The following OSBPL7 variants were observed in gnomAD, a reference collection of about 807,000 sequenced individuals.
OSBPL7 encodes oxysterol binding protein like 7.
OSBPL7 carries 66 observed loss-of-function variants against 115.8 expected under a neutral mutation model. The ratio of observed to expected loss-of-function variants is 0.57; its 90% CI spans 0.47 to 0.70. OSBPL7 has a LOEUF of 0.70. Ranked by LOEUF, OSBPL7 falls within the 30% of genes least tolerant of loss-of-function variation. The probability of loss-of-function intolerance (pLI) is 0.00; values close to 1 mark genes in which losing one functional copy is unlikely to be tolerated. For synonymous variants in OSBPL7, 441 were observed against 439.2 expected (o/e 1.00, Z -0.05); for missense variants, 902 against 1,125.5 (o/e 0.80, Z 2.84).
At chr17:47,815,384 CG>C in intron 12 of OSBPL7, 32 bp from the exon 13 acceptor site, 1 of 1,611,450 alleles carries the variant, frequency 6.2e-7, no homozygotes. Context: ...TGTCAGGCTC[CG>C]GGGCCAAGCC....
intron 3 of OSBPL7, 48 bp downstream of exon 3, chr17:47,819,923 C>CA: frequency 1.6e-6 from 2 of 1,229,562 alleles, no homozygotes; most frequent in Non-Finnish European, 2.3e-6. Context: ...CCCCCCATTC[C>CA]CACCCCGCCC....
In OSBPL7 at chr17:47,818,763, C is replaced by T. The variant is rs991551838; in HGVS notation, c.370-147G>A. On this transcript the variant is annotated intron_variant, in intron 5 of 22. Coordinates refer to ENST00000007414, the MANE Select transcript of OSBPL7 (RefSeq NM_145798.3). ...AAGGCTCACTTGCAGGGAGACAGAGCGCAAGGCGCCCAGGTGTCTGAGCCC... is the reference window on the plus strand; with the variant it reads ...AAGGCTCACTTGCAGGGAGACAGAGTGCAAGGCGCCCAGGTGTCTGAGCCC... 1.1e-4 allele frequency: 88 copies of T among 817,198 alleles called. 2 individuals carry two copies. The African/African-American group carries it at 1.3e-3, about 12-fold the overall frequency. The allele number at this position is 817,198 out of a possible 1,614,324, so 50.6% of individuals were successfully genotyped here. A position where few individuals can be genotyped will look rare whatever the true frequency, so the allele number is the denominator to read the frequency against.
chr17:47,815,440 G>C (rs1386413848), intron 12 of OSBPL7, 88 bp from the exon 13 acceptor site: 1 of 1,553,590 alleles, frequency 6.4e-7, no homozygotes, highest in Non-Finnish European at 8.7e-7. Context: ...GTTCCCTTGA[G>C]AGGGAGGCAT....
chr17:47,816,813 G>C lies in OSBPL7; in HGVS notation c.762C>G (p.Thr254=), dbSNP rs1207881586. ...KGKRTSRMWC[T]QSFAKDDTIG... is the part of the protein sequence containing the mutation. ...TGGTGTCATCCTTGGCAAAGCTCTG[G>C]GTGCACCACATGCGGCTTGTCCGTT... Residue 254 remains threonine (T), a synonymous_variant, in exon 9 of 23, where the codon ACC becomes ACG. Transcript: ENST00000007414. The surrounding 1 kb of genome is among the most constrained non-coding windows in gnomAD (Gnocchi z 5.8). 1 of 1,614,000 alleles carries C rather than the reference G, an allele frequency of 6.2e-7. No homozygotes were observed. Among genetic ancestry groups the C allele is most frequent in the African/African-American group, 1.3e-5 (1 of 74,926 alleles).
intron 1 of OSBPL7, among the ~76,000 whole-genome samples, chr17:47,821,446 G>A (rs145568763): frequency 1.3e-5 from 2 of 152,304 alleles, no homozygotes; most frequent in African/African-American, 2.4e-5. Flanking sequence ...AAACTCTTCC[G>A]GTGTTCAGGT....
rs952722213 is a variant in OSBPL7 at position 47,808,230 on chromosome 17, A to G, written c.*61T>C. 7.5e-6 allele frequency: 10 copies of G among 1,332,870 alleles called. No homozygotes were observed. The highest frequency in any genetic ancestry group is 7.2e-5 in the African/African-American group (5 of 69,194). The allele number at this position is 1,332,870 out of a possible 1,614,324, so 82.6% of individuals were successfully genotyped here. A position where few individuals can be genotyped will look rare whatever the true frequency, so the allele number is the denominator to read the frequency against. On this transcript the variant is annotated 3_prime_UTR_variant, in exon 23 of 23. Coordinates refer to ENST00000007414, the MANE Select transcript of OSBPL7 (RefSeq NM_145798.3). This position sits in a 1 kb window ranked among gnomAD's most constrained non-coding sequence, Gnocchi z 6.1. ...GGAGCCCGGCCTCACCCATGTGTCC[A>G]TGGTAGGGGGTGGAGGCAGGAGGAG...
intron 18 of OSBPL7, 72 bp from the exon 19 acceptor site, chr17:47,809,550 T>G: frequency 6.4e-7 from 1 of 1,551,050 alleles, no homozygotes; most frequent in Admixed American, 1.8e-5. Context: ...CCTCCTGTCT[T>G]GCTGAAGCAG....
At chr17:47,813,964 G>A (rs1211558194) in intron 14 of OSBPL7, 130 bp from the exon 15 acceptor site, 23 of 1,252,138 alleles carry the variant, frequency 1.8e-5, no homozygotes, top group African/African-American at 6.0e-5. Flanking sequence ...CCCTTGTCTC[G>A]ACTCACAGCA....
intron 14 of OSBPL7, 122 bp from the exon 15 acceptor site, chr17:47,813,956 C>G: frequency 7.8e-7 from 1 of 1,288,912 alleles, no homozygotes; most frequent in South Asian, 1.5e-5. Flanking sequence ...CCCCTGAGCC[C>G]TTGTCTCGAC....
chr17:47,815,512 C>T (rs1376453401), intron 12 of OSBPL7, 160 bp from the exon 13 acceptor site: 3 of 880,128 alleles, frequency 3.4e-6, no homozygotes, highest in South Asian at 1.7e-5. Flanking sequence ...GGAGTGAGAG[C>T]GGGACAAAGG....
chr17:47,813,613 G>A lies in OSBPL7; in HGVS notation c.1573C>T (p.Arg525Cys), dbSNP rs370829223. 23 of 1,612,126 alleles carry A rather than the reference G, an allele frequency of 1.4e-5. No homozygotes were observed. Among genetic ancestry groups the A allele is most frequent in the Admixed American group, 3.3e-5 (2 of 59,986 alleles). Reference protein sequence around the residue: ...EYSSLLDQASRIADPCERMVY... With the variant: ...EYSSLLDQASCIADPCERMVY... ...ATGCGCTCGCAGGGGTCGGCGATGC[G>A]GCTGGCCTGGTCCAGGAGGCTGCTG... The change falls in exon 15 of 23, where the codon CGC becomes TGC. Residue 525 changes from arginine (R) to cysteine (C), a missense_variant. Arg to Cys is a radical substitution (Grantham distance 180, BLOSUM62 -3). This residue lies in a region of OSBPL7 where 667 missense variants were observed against 788.7 expected (regional missense o/e 0.85). Coordinates refer to ENST00000007414, the MANE Select transcript of OSBPL7 (RefSeq NM_145798.3).
In OSBPL7 at chr17:47,808,854, C is replaced by T. The variant is rs368472937; in HGVS notation, c.2297+10G>A. 4.2e-5 allele frequency: 68 copies of T among 1,614,144 alleles called. No homozygotes were observed. The Middle Eastern group carries it at 6.6e-4, about 16-fold the overall frequency. ...AGATGGTTCTAGGCCGGCACCCATC[C>T]GGCACTGACCTCTGGTCTGGCCGGA... On this transcript the variant is annotated intron_variant, in intron 21 of 22. Transcript: ENST00000007414. This position sits in a 1 kb window ranked among gnomAD's most constrained non-coding sequence, Gnocchi z 6.1.
At chr17:47,812,142 G>A (rs908445870) in intron 16 of OSBPL7, among the ~76,000 whole-genome samples, 4 of 152,110 alleles carry the variant, frequency 2.6e-5, no homozygotes, top group Non-Finnish European at 4.4e-5. Context: ...AAAATAGTCT[G>A]CTTTTTTCTC....
intron 12 of OSBPL7, 43 bp from the exon 13 acceptor site, chr17:47,815,395 CG>C: frequency 4.4e-6 from 7 of 1,609,042 alleles, no homozygotes; most frequent in Non-Finnish European, 4.2e-6. Flanking sequence ...GGGGCCAAGC[CG>C]GGGGGATCAA....
rs749355050 is a variant in OSBPL7 at position 47,814,549 on chromosome 17, G to C, written c.1323C>G (p.Asp441Glu). ...ITTSLSEEML[D>E]LRGAERCQKG... Reference sequence around the variant, plus strand: ...TCTGACAGCGCTCAGCTCCCCTGAGGTCCAGCATCTCCTCAGACAGGCTGG... The same window carrying C: ...TCTGACAGCGCTCAGCTCCCCTGAGCTCCAGCATCTCCTCAGACAGGCTGG... The change falls in exon 14 of 23, where the codon GAC becomes GAG. Residue 441 changes from aspartate to glutamate, a missense_variant. Physicochemically the swap from Asp to Glu is conservative, Grantham distance 45 (BLOSUM62 2). Transcript: ENST00000007414. 8 of 1,613,786 alleles carry C rather than the reference G, an allele frequency of 5.0e-6. No homozygotes were observed. In the Admixed American group the frequency reaches 8.3e-5, roughly 17 times the overall value.
At chr17:47,819,860 A>G in intron 3 of OSBPL7, 78 bp from the exon 4 acceptor site, 1 of 1,607,804 alleles carries the variant, frequency 6.2e-7, no homozygotes, top group South Asian at 1.1e-5. Flanking sequence ...CACACAAATT[A>G]GCTTTTCTTT....
Position 47,816,463 on chromosome 17 carries a change from G to A in OSBPL7, c.948C>T (p.Ser316=), listed in dbSNP as rs530695439. ...LAQKVHSSLS[S]VLAALTMERD... The stretch of plus-strand genomic sequence containing the variant: ...GTTCCATGGTGAGGGCGGCCAGGAC[G>A]CTGCTGAGGGAGCTGTGCACTACAG... The change falls in exon 11 of 23, where the codon AGC becomes AGT. Residue 316 remains serine (S), a synonymous_variant. Coordinates refer to ENST00000007414, the MANE Select transcript of OSBPL7 (RefSeq NM_145798.3). The surrounding 1 kb of genome is among the most constrained non-coding windows in gnomAD (Gnocchi z 5.8). 1.7e-5 allele frequency: 26 copies of A among 1,544,356 alleles called. No individual in the cohort carries two copies. Among genetic ancestry groups the A allele is most frequent in the South Asian group, 7.3e-5 (6 of 82,078 alleles).
chr17:47,808,303 G>A lies in OSBPL7; in HGVS notation c.2517C>T (p.Ala839=), dbSNP rs752289779. 23 of 1,612,854 alleles carry A rather than the reference G, an allele frequency of 1.4e-5. 1 individual carries two copies. The highest frequency in any genetic ancestry group is 1.7e-4 in the Middle Eastern group (1 of 5,824). The part of the protein sequence containing the change: ...AEPGYGNMDG[A]VLW Reference sequence around the variant, plus strand: ...CCCGGGGCCAGGGCTACCAGAGCACGGCCCCATCCATGTTCCCATAGCCTG... The same window carrying A: ...CCCGGGGCCAGGGCTACCAGAGCACAGCCCCATCCATGTTCCCATAGCCTG... Residue 839 remains alanine (A), a synonymous_variant, in exon 23 of 23, where the codon GCC becomes GCT. Coordinates refer to ENST00000007414, the MANE Select transcript of OSBPL7 (RefSeq NM_145798.3). The surrounding 1 kb of genome is among the most constrained non-coding windows in gnomAD (Gnocchi z 6.1).
Position 47,818,656 on chromosome 17 carries a change from AG to A in OSBPL7, c.370-41del, listed in dbSNP as rs755842801. Reference sequence around the variant, plus strand: ...GAGAGGGGGAGGGCTATCTGAAGAGAGGGACCACTTTCCAAGAGCAAGAAGT... The same window carrying A: ...GAGAGGGGGAGGGCTATCTGAAGAGAGGACCACTTTCCAAGAGCAAGAAGT... On this transcript the variant is annotated intron_variant, in intron 5 of 22. Transcript: ENST00000007414. 5 of 1,539,310 alleles carry A rather than the reference AG, an allele frequency of 3.2e-6. No homozygotes were observed. In the East Asian group the frequency reaches 1.1e-4, roughly 35 times the overall value.
Sources: allele counts gnomAD v4.1 joint callset (sites outside exome capture counted in the v4.1 genomes callset), GRCh38; gene constraint gnomAD v4.1.1; regional missense constraint gnomAD v4.1.1; non-coding constraint Gnocchi (gnomAD v3.1); transcripts MANE v1.5; gene names NCBI Gene and HGNC (gene_info 2026-07-23, HGNC 2026-07-21).